XYLT2: variants seen among roughly 807,000 people sequenced by gnomAD.
XYLT2 encodes the protein xylosyltransferase 2, also known as UDP-D-xylose:proteoglycan core protein beta-D-xylosyltransferase.
XYLT2 carries 37 observed loss-of-function variants against 82.6 expected under a neutral mutation model. The observed-to-expected ratio is 0.45, with a 90% CI of 0.34 to 0.59. The LOEUF is 0.59. XYLT2 is among the 20% of genes least tolerant of loss of function. The pLI, the probability that XYLT2 is intolerant of heterozygous loss-of-function variation, is 0.01. For missense variants in XYLT2, 934 were observed against 1,181.3 expected, an observed-to-expected ratio of 0.79 and a Z score of 3.07; for synonymous variants, 474 against 499.0, an observed-to-expected ratio of 0.95 and a Z score of 0.67.
intron 1 of XYLT2, among the ~76,000 whole-genome samples, chr17:50,352,935 T>C (rs1353113617): frequency 6.6e-6 from 1 of 152,200 alleles, no homozygotes; most frequent in Non-Finnish European, 1.5e-5. Flanking sequence ...GTGGACGCTC[T>C]TCTTGCCCCT....
intron 1 of XYLT2, among the ~76,000 whole-genome samples, chr17:50,348,206 C>G (rs1344153609): frequency 6.6e-6 from 1 of 152,162 alleles, no homozygotes; most frequent in African/African-American, 2.4e-5. Flanking sequence ...GAGGTCTCTG[C>G]CCTCATGGAC....
rs760876552 is a variant in XYLT2 at position 50,360,274 on chromosome 17, G to A, written c.2581G>A (p.Asp861Asn). 6.3e-7 allele frequency: 1 copy of A among 1,598,246 alleles called. No homozygotes were observed. Among genetic ancestry groups the A allele is most frequent in the Non-Finnish European group, 8.5e-7 (1 of 1,170,150 alleles). ...ATCAGAGCTGGGGCCTGTCAAAGCA[G>A]ACGGGCGACTCAGGTAGCAGGGCCC... Reference protein sequence around the residue: ...PKSELGPVKADGRLR With the variant: ...PKSELGPVKANGRLR The change falls in exon 11 of 11, where the codon GAC (aspartate) becomes AAC (asparagine). Residue 861 changes from aspartate to asparagine, a missense_variant. By Grantham distance (23) the Asp-to-Asn change is conservative (BLOSUM62 1). This residue lies in a region of XYLT2 where 374 missense variants were observed against 465.6 expected (regional missense o/e 0.80). Coordinates refer to ENST00000017003, the MANE Select transcript of XYLT2 (RefSeq NM_022167.4).
chr17:50,353,406 G>T (rs963660427), intron 1 of XYLT2, among the ~76,000 whole-genome samples: 1 of 152,204 alleles, frequency 6.6e-6, no homozygotes, highest in African/African-American at 2.4e-5. Flanking sequence ...GGGGACGGGG[G>T]TGTTGGTATG....
In XYLT2 at chr17:50,360,495, A is replaced by T. The variant is rs1912757181; in HGVS notation, c.*204A>T. 5 of 1,293,084 alleles carry T rather than the reference A, an allele frequency of 3.9e-6. No individual in the cohort carries two copies. Among genetic ancestry groups the T allele is most frequent in the Non-Finnish European group, 3.9e-6 (4 of 1,023,518 alleles). The allele number at this position is 1,293,084 out of a possible 1,614,324, so 80.1% of individuals were successfully genotyped here. A position where few individuals can be genotyped will look rare whatever the true frequency, so the allele number is the denominator to read the frequency against. On this transcript the variant is annotated 3_prime_UTR_variant, in exon 11 of 11. Transcript: ENST00000017003. ...GTTGGGGATCAGAGGGCTGGCGGGA[A>T]CGCGAGAAGGGCACCAGCAGCATTC... is the stretch of plus-strand genomic sequence containing the variant.
chr17:50,360,420 C>A lies in XYLT2; in HGVS notation c.*129C>A. 2 of 1,432,188 alleles carry A rather than the reference C, an allele frequency of 1.4e-6. No homozygotes were observed. The highest frequency in any genetic ancestry group is 1.8e-6 in the Non-Finnish European group (2 of 1,096,410). 88.7% of individuals were successfully genotyped at this position (1,432,188 alleles called of 1,614,324 possible). A position where few individuals can be genotyped will look rare whatever the true frequency, so the allele number is the denominator to read the frequency against. The stretch of plus-strand genomic sequence containing the variant: ...ACCCATTTCAGCCATCAAGAACCCA[C>A]ACAGACGGCAGGGAAGGTGGACACA... On this transcript the variant is annotated 3_prime_UTR_variant, in exon 11 of 11. Transcript: ENST00000017003.
intron 3 of XYLT2, 86 bp from the exon 4 acceptor site, chr17:50,354,768 C>CCCTTCA: frequency 6.3e-7 from 1 of 1,582,176 alleles, no homozygotes; most frequent in Non-Finnish European, 8.6e-7. Context: ...GTGCTTTCCT[C>CCCTTCA]GTCTTGTGTC....
intron 1 of XYLT2, among the ~76,000 whole-genome samples, chr17:50,351,418 C>T (rs1000971138): frequency 2.0e-5 from 3 of 152,016 alleles, no homozygotes; most frequent in Non-Finnish European, 2.9e-5. Flanking sequence ...AGGTGGATCA[C>T]GAGGTCAGGA....
Position 50,346,662 on chromosome 17 carries a change from G to C in XYLT2, c.135+387G>C, listed in dbSNP as rs1912056922. The C allele has an allele frequency of 1.6e-5, 16 of 985,302 alleles. No homozygotes were observed. The South Asian group carries it at 6.6e-4, about 40-fold the overall frequency. The allele number at this position is 985,302 out of a possible 1,614,324, so 61.0% of individuals were successfully genotyped here. ...AGGCCAAACTTTCTGAAGTTGGGAG[G>C]GGGCGGGGATATGCGCGCCGTGGGC... On this transcript the variant is annotated intron_variant, in intron 1 of 10. Coordinates refer to ENST00000017003, the MANE Select transcript of XYLT2 (RefSeq NM_022167.4). The surrounding 1 kb of genome is among the most constrained non-coding windows in gnomAD (Gnocchi z 5.1).
In XYLT2 at chr17:50,360,587, T is replaced by TC; in HGVS notation, c.*296_*297insC. 8.6e-7 allele frequency: 1 copy of TC among 1,167,906 alleles called. No individual in the cohort carries two copies. Among genetic ancestry groups the TC allele is most frequent in the Non-Finnish European group, 1.1e-6 (1 of 948,132 alleles). 72.3% of individuals were successfully genotyped at this position (1,167,906 alleles called of 1,614,324 possible). A position where few individuals can be genotyped will look rare whatever the true frequency, so the allele number is the denominator to read the frequency against. On this transcript the variant is annotated 3_prime_UTR_variant, in exon 11 of 11. Transcript: ENST00000017003. Reference sequence around the variant, plus strand: ...CTTTTTTTTCTTTTTTTTTTTTTTTTTTTAATTTAAAAAGGAAAATGGGTG... The same window carrying TC: ...CTTTTTTTTCTTTTTTTTTTTTTTTTCTTTAATTTAAAAAGGAAAATGGGTG...
intron 8 of XYLT2, 72 bp from the exon 9 acceptor site, chr17:50,356,985 C>G: frequency 6.6e-7 from 1 of 1,505,412 alleles, no homozygotes. Flanking sequence ...CTCCCCAGAG[C>G]CCCCTCCCTG....
Position 50,353,652 on chromosome 17 carries a change from G to C in XYLT2, c.158G>C (p.Arg53Pro). 1.3e-6 allele frequency: 2 copies of C among 1,566,036 alleles called. No homozygotes were observed. Among genetic ancestry groups the C allele is most frequent in the Non-Finnish European group, 1.7e-6 (2 of 1,154,292 alleles). ...CAGAAAGGAAGGCAGAGGAAGCCAC[G>C]GCCACTGGACCCTGGCGAGGGTTCC... Reference protein sequence around the residue: ...AGEKGRQRKPRPLDPGEGSKD... With the variant: ...AGEKGRQRKPPPLDPGEGSKD... The change falls in exon 2 of 11, where the codon CGG (arginine) becomes CCG (proline). Residue 53 changes from arginine (R) to proline (P), a missense_variant. By Grantham distance (103) the Arg-to-Pro change is moderately radical. Transcript: ENST00000017003.
At chr17:50,349,307 G>A (rs943818724) in intron 1 of XYLT2, among the ~76,000 whole-genome samples, 2 of 152,212 alleles carry the variant, frequency 1.3e-5, no homozygotes, top group South Asian at 4.1e-4. Context: ...ACTCAGCTCA[G>A]TGGGGCTGCA....
In XYLT2 at chr17:50,353,981, G is replaced by T; in HGVS notation, c.487G>T (p.Glu163Ter). The T allele has an allele frequency of 6.2e-7, 1 of 1,606,468 alleles. No homozygotes were observed. The change falls in exon 2 of 11, where the codon GAG becomes TAG. Residue 163 changes from glutamate to a stop codon, truncating the protein, a stop_gained. Coordinates refer to ENST00000017003, the MANE Select transcript of XYLT2 (RefSeq NM_022167.4). LOFTEE classifies it high-confidence loss of function. Reference protein sequence around the residue: ...PTDNGFTPKCEIVGKDALSAL... With the variant: ...PTDNGFTPKC The stretch of plus-strand genomic sequence containing the variant: ...GGACAATGGCTTCACCCCCAAGTGC[G>T]AGATCGTGGGCAAGGACGCACTGTC...
chr17:50,360,367 A>C lies in XYLT2; in HGVS notation c.*76A>C. 1 of 1,456,618 alleles carries C rather than the reference A, an allele frequency of 6.9e-7. No homozygotes were observed. The highest frequency in any genetic ancestry group is 9.1e-7 in the Non-Finnish European group (1 of 1,104,086). 90.2% of individuals were successfully genotyped at this position (1,456,618 alleles called of 1,614,324 possible). ...ACAGTGGAGGGGTGTCCCCTCCCAC[A>C]GGCAAGAACCAGAGGCCCAGGCTGC... On this transcript the variant is annotated 3_prime_UTR_variant, in exon 11 of 11. Transcript: ENST00000017003.
chr17:50,353,516 G>T lies in XYLT2; in HGVS notation c.136-114G>T, dbSNP rs1054618832. 17 of 1,463,012 alleles carry T rather than the reference G, an allele frequency of 1.2e-5. No homozygotes were observed. The African/African-American group carries it at 2.2e-4, about 19-fold the overall frequency. The allele number at this position is 1,463,012 out of a possible 1,614,324, so 90.6% of individuals were successfully genotyped here. A position where few individuals can be genotyped will look rare whatever the true frequency, so the allele number is the denominator to read the frequency against. ...CCTTAGGTGAAAAGCGCTTCTCTGG[G>T]TAAAAGGTGGGCAGGAACATCTAGG... On this transcript the variant is annotated intron_variant, in intron 1 of 10. Coordinates refer to ENST00000017003, the MANE Select transcript of XYLT2 (RefSeq NM_022167.4).
intron 4 of XYLT2, 65 bp downstream of exon 4, chr17:50,355,121 G>A: frequency 1.3e-6 from 2 of 1,489,628 alleles, no homozygotes; most frequent in Non-Finnish European, 1.8e-6. Flanking sequence ...CCTGGGGTTG[G>A]AGGGCTTTGG....
chr17:50,358,376 C>G lies in XYLT2; in HGVS notation c.2111C>G (p.Thr704Arg). 1 of 1,614,122 alleles carries G rather than the reference C, an allele frequency of 6.2e-7. No individual in the cohort carries two copies. The highest frequency in any genetic ancestry group is 2.2e-5 in the East Asian group (1 of 44,882). Residue 704 changes from threonine to arginine, a missense_variant, in exon 10 of 11, where the codon ACA becomes AGA. Thr to Arg is a moderately conservative substitution (Grantham distance 71). Transcript: ENST00000017003. ...GTGGTGGCCACATCTTATGACATCACAGTAGATACGGAGACTGAGGTCACG... is the reference window on the plus strand; with the variant it reads ...GTGGTGGCCACATCTTATGACATCAGAGTAGATACGGAGACTGAGGTCACG... ...TYVVATSYDI[T>R]VDTETEVTQY...
chr17:50,357,378 C>T lies in XYLT2; in HGVS notation c.1941+126C>T, dbSNP rs9909411. 9,469 of 959,496 alleles carry T rather than the reference C, an allele frequency of 9.9e-3. 656 individuals carry two copies. The African/African-American group carries it at 0.14, about 14-fold the overall frequency. The allele number at this position is 959,496 out of a possible 1,614,324, so 59.4% of individuals were successfully genotyped here. On this transcript the variant is annotated intron_variant, in intron 9 of 10. Transcript: ENST00000017003. ...CCAGTCATGGCAGCCATGGTGATGC[C>T]CCCATGCAGACATCCTGTGTCACCC...
At position 50,361,106 on chromosome 17, in the gene XYLT2, T is replaced by A. The variant is rs748392190; in HGVS notation, c.*815T>A. 3.7e-5 allele frequency: 36 copies of A among 985,800 alleles called. No homozygotes were observed. The highest frequency in any genetic ancestry group is 4.3e-5 in the Non-Finnish European group (36 of 829,954). The allele number at this position is 985,800 out of a possible 1,614,324, so 61.1% of individuals were successfully genotyped here. A position where few individuals can be genotyped will look rare whatever the true frequency, so the allele number is the denominator to read the frequency against. ...GAGTAATTGTGCCTGAAGCTCAGCG[T>A]GAAGTCTGAAATATGCAACAGAAGA... On this transcript the variant is annotated 3_prime_UTR_variant, in exon 11 of 11. Transcript: ENST00000017003.
Sources: gnomAD v4.1 joint callset for allele counts (sites outside exome capture counted in the v4.1 genomes callset) on GRCh38, gnomAD v4.1.1 for gene constraint, gnomAD v4.1.1 regional missense constraint, Gnocchi (gnomAD v3.1) non-coding constraint, MANE v1.5 for transcripts, NCBI Gene and HGNC (gene_info 2026-07-23, HGNC 2026-07-21) for gene names.